Variants in CTTNBP2 observed in about 807,000 individuals in gnomAD.
CTTNBP2 encodes the protein cortactin binding protein 2, also known as cortactin-binding protein 2.
A neutral mutation model predicts 156.9 loss-of-function variants in CTTNBP2; 108 were observed. The observed-to-expected ratio is 0.69, with a 90% CI of 0.59 to 0.81. The LOEUF (loss-of-function observed/expected upper bound fraction) is 0.81, where lower values mean the gene tolerates loss of function less well. CTTNBP2 is among the 30% of genes least tolerant of loss of function. The pLI, the probability that CTTNBP2 is intolerant of heterozygous loss-of-function variation, is 0.00. For synonymous variants in CTTNBP2, 767 were observed against 751.8 expected (o/e 1.02, Z -0.33); for missense variants, 1,924 against 2,035.4 (o/e 0.95, Z 1.05).
At chr7:117,731,144 T>C (rs1428541938) in intron 16 of CTTNBP2, among the ~76,000 whole-genome samples, 11 of 152,198 alleles carry the variant, frequency 7.2e-5, no homozygotes, top group Non-Finnish European at 1.5e-4. Context: ...CTTGGGAAGA[T>C]TTGTCAGACA....
intron 12 of CTTNBP2, among the ~76,000 whole-genome samples, chr7:117,752,151 C>T (rs577418740): frequency 1.1e-4 from 17 of 152,194 alleles, no homozygotes; most frequent in East Asian, 9.6e-4. Context: ...TGGGAATGTA[C>T]GGAGAATAAC....
At chr7:117,713,178 C>T (rs989241450) in intron 22 of CTTNBP2, among the ~76,000 whole-genome samples, 7 of 152,168 alleles carry the variant, frequency 4.6e-5, no homozygotes, top group African/African-American at 7.2e-5. Flanking sequence ...TTGTCTTCCA[C>T]GAAACCAGTC....
intron 8 of CTTNBP2, among the ~76,000 whole-genome samples, chr7:117,773,105 T>G (rs1018908826): frequency 6.6e-6 from 1 of 152,230 alleles, no homozygotes; most frequent in Non-Finnish European, 1.5e-5. Flanking sequence ...ATGATAAAAA[T>G]CTAGTTCCAA....
chr7:117,808,801 A>G (rs1171439418), intron 3 of CTTNBP2, among the ~76,000 whole-genome samples: 1 of 152,216 alleles, frequency 6.6e-6, no homozygotes, highest in African/African-American at 2.4e-5. Flanking sequence ...ATTTGCTTTC[A>G]GAGGACTAAA....
In CTTNBP2 at chr7:117,817,361, A is replaced by ATAAATATATATATATATATATATATAT. The variant is rs1298639361; in HGVS notation, c.190-6373_190-6372insATATATATATATATATATATATATTTA. On this transcript the variant is annotated intron_variant, in intron 2 of 22. Coordinates refer to ENST00000160373, the MANE Select transcript of CTTNBP2 (RefSeq NM_033427.3). ...AAAAAAAAAAAAAAAAAAAAAAAAA[A>ATAAATATATATATATATATATATATAT]ATATATATATATATATATATATATA... Among the ~76,000 whole-genome samples, 106 of 53,288 alleles carry ATAAATATATATATATATATATATATAT rather than the reference A, an allele frequency of 2.0e-3. 2 individuals carry two copies. The highest frequency in any genetic ancestry group is 2.7e-3 in the Non-Finnish European group (79 of 29,450). 35.0% of individuals were successfully genotyped at this position (53,288 alleles called of 152,430 possible).
Position 117,728,219 on chromosome 7 carries a change from C to A in CTTNBP2, c.3925G>T (p.Asp1309Tyr). The A allele has an allele frequency of 6.2e-7, 1 of 1,614,126 alleles. No homozygotes were observed. Among genetic ancestry groups the A allele is most frequent in the Non-Finnish European group, 8.5e-7 (1 of 1,180,006 alleles). ...TGACGCCAGACGGACAGAGCCCAGT[C>A]GACAATCTTGCACACAGGATCGCAG... is the stretch of plus-strand genomic sequence containing the variant. ...SPCDPVCKIV[D>Y]WALSVWRQLN... Residue 1309 changes from aspartate to tyrosine, a missense_variant, in exon 17 of 23, where the codon GAC (aspartate) becomes TAC (tyrosine). Asp to Tyr is a radical substitution (Grantham distance 160). Coordinates refer to ENST00000160373, the MANE Select transcript of CTTNBP2 (RefSeq NM_033427.3).
chr7:117,806,109 A>AT (rs1799925512), intron 3 of CTTNBP2, among the ~76,000 whole-genome samples: 1 of 152,168 alleles, frequency 6.6e-6, no homozygotes, highest in African/African-American at 2.4e-5. Context: ...GAAACTTTGC[A>AT]TGGAGCAGTA....
chr7:117,828,810 C>T (rs1041509487), intron 2 of CTTNBP2, among the ~76,000 whole-genome samples: 7 of 152,094 alleles, frequency 4.6e-5, no homozygotes, highest in African/African-American at 1.7e-4. Flanking sequence ...TTATGTTGGG[C>T]ATTTGGGGGC....
At chr7:117,746,174 G>A (rs947071048) in intron 12 of CTTNBP2, 75 bp from the exon 13 acceptor site, 1 of 985,860 alleles carries the variant, frequency 1.0e-6, no homozygotes, top group Non-Finnish European at 1.6e-6. Flanking sequence ...CACAGGTGTG[G>A]AATTCTTTTT....
intron 2 of CTTNBP2, among the ~76,000 whole-genome samples, chr7:117,857,385 A>T (rs1442240340): frequency 6.6e-6 from 1 of 152,200 alleles, no homozygotes; most frequent in East Asian, 1.9e-4. Context: ...TATATATTGC[A>T]ATCTCTTAAC....
Position 117,734,896 on chromosome 7 carries a change from C to A in CTTNBP2, c.3876+17G>T. On this transcript the variant is annotated intron_variant, in intron 16 of 22. Transcript: ENST00000160373. ...CCCCTGCTCTCCTGGCAACAGGCTG[C>A]ACTTGCTGTTTGTTACCTTATTCAC... is the stretch of plus-strand genomic sequence containing the variant. 4 of 1,566,522 alleles carry A rather than the reference C, an allele frequency of 2.6e-6. No homozygotes were observed. The highest frequency in any genetic ancestry group is 3.5e-6 in the Non-Finnish European group (4 of 1,151,060).
At chr7:117,786,859 G>C (rs557316252) in intron 4 of CTTNBP2, among the ~76,000 whole-genome samples, 1 of 151,942 alleles carries the variant, frequency 6.6e-6, no homozygotes, top group Non-Finnish European at 1.5e-5. Flanking sequence ...TAAGTTATCC[G>C]AAAGACAAAT....
At chr7:117,838,216 C>T (rs1802064511) in intron 2 of CTTNBP2, among the ~76,000 whole-genome samples, 1 of 152,208 alleles carries the variant, frequency 6.6e-6, no homozygotes, top group Non-Finnish European at 1.5e-5. Context: ...TAGCAGAGCC[C>T]ATCTTTGGTG....
chr7:117,826,864 T>G (rs1801316923), intron 2 of CTTNBP2, among the ~76,000 whole-genome samples: 1 of 142,088 alleles, frequency 7.0e-6, no homozygotes, highest in African/African-American at 2.7e-5. Flanking sequence ...ATTATTATTA[T>G]TATTATTATT....
chr7:117,783,598 T>C (rs1798547459), intron 5 of CTTNBP2, among the ~76,000 whole-genome samples: 1 of 152,174 alleles, frequency 6.6e-6, no homozygotes, highest in Non-Finnish European at 1.5e-5. Flanking sequence ...CTAGAATACT[T>C]TAAAAATAAC....
At chr7:117,868,298 C>A (rs1804346620) in intron 1 of CTTNBP2, among the ~76,000 whole-genome samples, 1 of 152,166 alleles carries the variant, frequency 6.6e-6, no homozygotes, top group Admixed American at 6.5e-5. Context: ...AAAGGCTGGG[C>A]CAGATGAAGA....
chr7:117,811,680 G>T (rs189182905), intron 2 of CTTNBP2, among the ~76,000 whole-genome samples: 2 of 151,862 alleles, frequency 1.3e-5, no homozygotes, highest in African/African-American at 4.8e-5. Flanking sequence ...TCTCTATATC[G>T]ATAGAACTTA....
intron 2 of CTTNBP2, among the ~76,000 whole-genome samples, chr7:117,818,968 C>T (rs1027152926): frequency 1.2e-4 from 19 of 152,220 alleles, no homozygotes; most frequent in African/African-American, 4.6e-4. Flanking sequence ...TGAAAAAACA[C>T]ATGACAGAAA....
chr7:117,775,555 A>C (rs374945401), intron 8 of CTTNBP2, among the ~76,000 whole-genome samples: 1 of 149,022 alleles, frequency 6.7e-6, no homozygotes, highest in Admixed American at 6.7e-5. Context: ...CGAACATCCT[A>C]GATCAAGGGT....
Sources: allele counts gnomAD v4.1 joint callset (sites outside exome capture counted in the v4.1 genomes callset), GRCh38; gene constraint gnomAD v4.1.1; transcripts MANE v1.5; gene names NCBI Gene and HGNC (gene_info 2026-07-23, HGNC 2026-07-21).